KRTAP12-1: variants seen among roughly 807,000 people sequenced by gnomAD.
KRTAP12-1 encodes the protein keratin-associated protein 12-1.
For synonymous variants in KRTAP12-1, 56 were observed against 58.8 expected (o/e 0.95, Z 0.22); for missense variants, 109 against 127.2 (o/e 0.86, Z 0.69).
rs782058906 is a variant in KRTAP12-1, at chr21:44,681,834, C to T, written c.290G>A (p.Ter97=). Residue 97 remains the stop codon, a stop_retained_variant, in exon 1 of 1, where the codon TGA becomes TAA. Coordinates refer to ENST00000391617, the MANE Select transcript of KRTAP12-1 (RefSeq NM_181686.2). ...PISCSTPSCC[*] ...AGCAGCGGGTCTGGAGATTCATGCT[C>T]AGCAGCAGGAAGGGGTGCTGCAGGA... 2 of 1,607,752 alleles carry T rather than the reference C, an allele frequency of 1.2e-6. No individual in the cohort carries two copies.
In KRTAP12-1 at chr21:44,681,697, C is replaced by T. The variant is rs577065850; in HGVS notation, c.*136G>A. The T allele has an allele frequency of 2.3e-5, 27 of 1,196,130 alleles. No homozygotes were observed. In the South Asian group the frequency reaches 3.2e-4, roughly 14 times the overall value. The allele number at this position is 1,196,130 out of a possible 1,614,324, so 74.1% of individuals were successfully genotyped here. On this transcript the variant is annotated 3_prime_UTR_variant, in exon 1 of 1. Coordinates refer to ENST00000391617, the MANE Select transcript of KRTAP12-1 (RefSeq NM_181686.2). ...GCTCCAGATCATTCTATTATATTCTCGATCCAGAATTCAGAGGGTTCACTG... is the reference window on the plus strand; with the variant it reads ...GCTCCAGATCATTCTATTATATTCTTGATCCAGAATTCAGAGGGTTCACTG...
Position 44,681,810 on chromosome 21 carries a change from G to T in KRTAP12-1, c.*23C>A. On this transcript the variant is annotated 3_prime_UTR_variant, in exon 1 of 1. Transcript: ENST00000391617. Reference sequence around the variant, plus strand: ...AGGTGTGGCCTCATCTGCACTGGGAGCAGCGGGTCTGGAGATTCATGCTCA... The same window carrying T: ...AGGTGTGGCCTCATCTGCACTGGGATCAGCGGGTCTGGAGATTCATGCTCA... 6.3e-7 allele frequency: 1 copy of T among 1,590,290 alleles called. No individual in the cohort carries two copies. Among genetic ancestry groups the T allele is most frequent in the Non-Finnish European group, 8.6e-7 (1 of 1,166,672 alleles).
chr21:44,681,586 A>G lies in KRTAP12-1; in HGVS notation c.*247T>C. 1 of 488,966 alleles carries G rather than the reference A, an allele frequency of 2.0e-6. No individual in the cohort carries two copies. The highest frequency in any genetic ancestry group is 3.6e-6 in the Non-Finnish European group (1 of 279,354). The allele number at this position is 488,966 out of a possible 1,614,324, so 30.3% of individuals were successfully genotyped here. ...ACAAGAAACGCAGAGTTGCATGGGG[A>G]AAGCTGGTTTATTTGACTCTCATGG... On this transcript the variant is annotated 3_prime_UTR_variant, in exon 1 of 1. Transcript: ENST00000391617.
chr21:44,681,688 T>C lies in KRTAP12-1; in HGVS notation c.*145A>G. On this transcript the variant is annotated 3_prime_UTR_variant, in exon 1 of 1. Transcript: ENST00000391617. ...TCAGCCAGGGCTCCAGATCATTCTA[T>C]TATATTCTCGATCCAGAATTCAGAG... 8.8e-7 allele frequency: 1 copy of C among 1,136,052 alleles called. No individual in the cohort carries two copies. The highest frequency in any genetic ancestry group is 1.2e-6 in the Non-Finnish European group (1 of 807,166). The allele number at this position is 1,136,052 out of a possible 1,614,324, so 70.4% of individuals were successfully genotyped here. A position where few individuals can be genotyped will look rare whatever the true frequency, so the allele number is the denominator to read the frequency against.
chr21:44,681,815 G>C lies in KRTAP12-1; in HGVS notation c.*18C>G. ...TGGCCTCATCTGCACTGGGAGCAGCGGGTCTGGAGATTCATGCTCAGCAGC... is the reference window on the plus strand; with the variant it reads ...TGGCCTCATCTGCACTGGGAGCAGCCGGTCTGGAGATTCATGCTCAGCAGC... On this transcript the variant is annotated 3_prime_UTR_variant, in exon 1 of 1. Transcript: ENST00000391617. 1 of 1,595,502 alleles carries C rather than the reference G, an allele frequency of 6.3e-7. No homozygotes were observed. Among genetic ancestry groups the C allele is most frequent in the Non-Finnish European group, 8.6e-7 (1 of 1,169,132 alleles).
chr21:44,681,769 C>T lies in KRTAP12-1; in HGVS notation c.*64G>A. The T allele has an allele frequency of 6.5e-7, 1 of 1,547,340 alleles. No homozygotes were observed. The highest frequency in any genetic ancestry group is 8.8e-7 in the Non-Finnish European group (1 of 1,141,430). On this transcript the variant is annotated 3_prime_UTR_variant, in exon 1 of 1. Coordinates refer to ENST00000391617, the MANE Select transcript of KRTAP12-1 (RefSeq NM_181686.2). ...ATGTGCAGAAGACCAACTGAGGACT[C>T]ATCCAGGGAGTGTACAGGTGTGGCC... is the stretch of plus-strand genomic sequence containing the variant.
Position 44,681,775 on chromosome 21 carries a change from G to A in KRTAP12-1, c.*58C>T. ...AGAAGACCAACTGAGGACTCATCCA[G>A]GGAGTGTACAGGTGTGGCCTCATCT... On this transcript the variant is annotated 3_prime_UTR_variant, in exon 1 of 1. Coordinates refer to ENST00000391617, the MANE Select transcript of KRTAP12-1 (RefSeq NM_181686.2). 1 of 1,554,990 alleles carries A rather than the reference G, an allele frequency of 6.4e-7. No individual in the cohort carries two copies. Among genetic ancestry groups the A allele is most frequent in the East Asian group, 2.3e-5 (1 of 44,302 alleles).
At position 44,682,124 on chromosome 21, in the gene KRTAP12-1, G is replaced by A. The variant is rs1471301132; in HGVS notation, c.-1C>T. The A allele has an allele frequency of 5.6e-6, 9 of 1,613,288 alleles. No homozygotes were observed. The highest frequency in any genetic ancestry group is 5.9e-6 in the Non-Finnish European group (7 of 1,179,548). On this transcript the variant is annotated 5_prime_UTR_variant, in exon 1 of 1. Coordinates refer to ENST00000391617, the MANE Select transcript of KRTAP12-1 (RefSeq NM_181686.2). Reference sequence around the variant, plus strand: ...CCGAGGAGCAGCTGGTGTGGCACATGGTGGCGTGTGGCTGGATAAGGTCGA... The same window carrying A: ...CCGAGGAGCAGCTGGTGTGGCACATAGTGGCGTGTGGCTGGATAAGGTCGA...
chr21:44,681,872 G>A lies in KRTAP12-1; in HGVS notation c.252C>T (p.Leu84=). Residue 84 remains leucine (L), a synonymous_variant, in exon 1 of 1, where the codon CTC becomes CTT. Coordinates refer to ENST00000391617, the MANE Select transcript of KRTAP12-1 (RefSeq NM_181686.2). ...GCCQPSCTSV[L]CRPISCSTPS... is the part of the protein sequence containing the mutation. ...GGGTGCTGCAGGAGATGGGTCTGCA[G>A]AGGACGCTGGTGCAGGAAGGCTGGC... 2.5e-6 allele frequency: 4 copies of A among 1,614,060 alleles called. No individual in the cohort carries two copies. Among genetic ancestry groups the A allele is most frequent in the Non-Finnish European group, 3.4e-6 (4 of 1,179,940 alleles).
chr21:44,681,914 G>T, the KRTAP12-1 span: 7 of 1,614,016 alleles, frequency 4.3e-6, no homozygotes, highest in South Asian at 1.1e-5. Context: ...CAGAGGACTG[G>T]CAGGAGGGAG....
Position 44,681,814 on chromosome 21 carries a change from C to A in KRTAP12-1, c.*19G>T, listed in dbSNP as rs560144407. On this transcript the variant is annotated 3_prime_UTR_variant, in exon 1 of 1. Coordinates refer to ENST00000391617, the MANE Select transcript of KRTAP12-1 (RefSeq NM_181686.2). ...GTGGCCTCATCTGCACTGGGAGCAGCGGGTCTGGAGATTCATGCTCAGCAG... is the reference window on the plus strand; with the variant it reads ...GTGGCCTCATCTGCACTGGGAGCAGAGGGTCTGGAGATTCATGCTCAGCAG... 1.3e-6 allele frequency: 2 copies of A among 1,593,510 alleles called. No homozygotes were observed. Among genetic ancestry groups the A allele is most frequent in the Non-Finnish European group, 1.7e-6 (2 of 1,168,190 alleles).
chr21:44,681,660 A>G lies in KRTAP12-1; in HGVS notation c.*173T>C, dbSNP rs1480738721. The G allele has an allele frequency of 5.7e-6, 5 of 878,668 alleles. No individual in the cohort carries two copies. The Admixed American group carries it at 1.2e-4, about 21-fold the overall frequency. 54.4% of individuals were successfully genotyped at this position (878,668 alleles called of 1,614,324 possible). ...CCAGACTTCCCTGGGGGGATAGGCA[A>G]GTTCAGCCAGGGCTCCAGATCATTC... On this transcript the variant is annotated 3_prime_UTR_variant, in exon 1 of 1. Coordinates refer to ENST00000391617, the MANE Select transcript of KRTAP12-1 (RefSeq NM_181686.2).
rs782462706 is a variant in KRTAP12-1 at position 44,681,602 on chromosome 21, A to G, written c.*231T>C. ...TGCATGGGGAAAGCTGGTTTATTTG[A>G]CTCTCATGGGGTCAGAGAATGACTC... On this transcript the variant is annotated 3_prime_UTR_variant, in exon 1 of 1. Coordinates refer to ENST00000391617, the MANE Select transcript of KRTAP12-1 (RefSeq NM_181686.2). 5 of 507,194 alleles carry G rather than the reference A, an allele frequency of 9.9e-6. No homozygotes were observed. The highest frequency in any genetic ancestry group is 3.0e-5 in the East Asian group (1 of 33,408). 31.4% of individuals were successfully genotyped at this position (507,194 alleles called of 1,614,324 possible).
chr21:44,682,032 T>G lies in KRTAP12-1; in HGVS notation c.92A>C (p.Gln31Pro), dbSNP rs1986624381. 6.2e-7 allele frequency: 1 copy of G among 1,614,036 alleles called. No homozygotes were observed. Among genetic ancestry groups the G allele is most frequent in the Non-Finnish European group, 8.5e-7 (1 of 1,179,928 alleles). Residue 31 changes from glutamine (Q) to proline (P), a missense_variant, in exon 1 of 1, where the codon CAG (glutamine) becomes CCG (proline). By Grantham distance (76) the Gln-to-Pro change is moderately conservative. Coordinates refer to ENST00000391617, the MANE Select transcript of KRTAP12-1 (RefSeq NM_181686.2). ...QASCYIPVGC[Q>P]SSVCVPVSFK... ...GCTCACGGGCACGCACACGGAGGAC[T>G]GGCAGCCCACGGGGATGTAACAGGA...
chr21:44,681,956 C>T lies in KRTAP12-1; in HGVS notation c.168G>A (p.Val56=). The change falls in exon 1 of 1, where the codon GTG becomes GTA. Residue 56 remains valine, a synonymous_variant. Transcript: ENST00000391617. ...ACACGACGGGCCTGCAGCTCACGGGCACGCACACAGAGGACTGGCATCTCA... is the reference window on the plus strand; with the variant it reads ...ACACGACGGGCCTGCAGCTCACGGGTACGCACACAGAGGACTGGCATCTCA... ...VPVRCQSSVC[V]PVSCRPVVYA... is the part of the protein sequence containing the mutation. 6.2e-7 allele frequency: 1 copy of T among 1,613,860 alleles called. No individual in the cohort carries two copies. Among genetic ancestry groups the T allele is most frequent in the Non-Finnish European group, 8.5e-7 (1 of 1,179,818 alleles).
chr21:44,681,945 C>A lies in KRTAP12-1; in HGVS notation c.179G>T (p.Cys60Phe), dbSNP rs200071585. ...GGGAGCCGCATACACGACGGGCCTG[C>A]AGCTCACGGGCACGCACACAGAGGA... ...CQSSVCVPVSCRPVVYAAPSC... is the reference protein window; with the variant it reads ...CQSSVCVPVSFRPVVYAAPSC... The change falls in exon 1 of 1, where the codon TGC (cysteine) becomes TTC (phenylalanine). Residue 60 changes from cysteine (C) to phenylalanine (F), a missense_variant. By Grantham distance (205) the Cys-to-Phe change is radical. Coordinates refer to ENST00000391617, the MANE Select transcript of KRTAP12-1 (RefSeq NM_181686.2). 9.0e-5 allele frequency: 145 copies of A among 1,614,150 alleles called. 1 individual carries two copies. The highest frequency in any genetic ancestry group is 1.2e-5 in the Non-Finnish European group (14 of 1,179,998).
Position 44,682,070 on chromosome 21 carries a change from G to A in KRTAP12-1, c.54C>T (p.Ser18=). ...SGCQPACCAP[S]PCQASCYIPV... ...GGATGTAACAGGATGCCTGGCAGGGGCTGGGCGCGCAGCAGGCTGGCTGGC... is the reference window on the plus strand; with the variant it reads ...GGATGTAACAGGATGCCTGGCAGGGACTGGGCGCGCAGCAGGCTGGCTGGC... The change falls in exon 1 of 1, where the codon AGC becomes AGT. Residue 18 remains serine (S), a synonymous_variant. Coordinates refer to ENST00000391617, the MANE Select transcript of KRTAP12-1 (RefSeq NM_181686.2). 2 of 1,614,040 alleles carry A rather than the reference G, an allele frequency of 1.2e-6. No individual in the cohort carries two copies. The highest frequency in any genetic ancestry group is 1.7e-6 in the Non-Finnish European group (2 of 1,179,938).
rs1300179750 is a variant in KRTAP12-1 at position 44,681,650 on chromosome 21, G to T, written c.*183C>A. On this transcript the variant is annotated 3_prime_UTR_variant, in exon 1 of 1. Coordinates refer to ENST00000391617, the MANE Select transcript of KRTAP12-1 (RefSeq NM_181686.2). ...CTCTGGGACCCCAGACTTCCCTGGG[G>T]GGATAGGCAAGTTCAGCCAGGGCTC... is the stretch of plus-strand genomic sequence containing the variant. 1 of 776,686 alleles carries T rather than the reference G, an allele frequency of 1.3e-6. No homozygotes were observed. The highest frequency in any genetic ancestry group is 1.7e-5 in the African/African-American group (1 of 57,488). 48.1% of individuals were successfully genotyped at this position (776,686 alleles called of 1,614,324 possible).
chr21:44,682,099 C>A lies in KRTAP12-1; in HGVS notation c.25G>T (p.Gly9Cys). The A allele has an allele frequency of 1.2e-6, 2 of 1,613,812 alleles. No homozygotes were observed. The highest frequency in any genetic ancestry group is 1.7e-6 in the Non-Finnish European group (2 of 1,179,838). ...GGCGCGCAGCAGGCTGGCTGGCAGC[C>A]CGAGGAGCAGCTGGTGTGGCACATG... The part of the protein sequence containing the change: MCHTSCSS[G>C]CQPACCAPSP... Residue 9 changes from glycine (G) to cysteine (C), a missense_variant, in exon 1 of 1, where the codon GGC (glycine) becomes TGC (cysteine). Gly to Cys is a radical substitution (Grantham distance 159). Coordinates refer to ENST00000391617, the MANE Select transcript of KRTAP12-1 (RefSeq NM_181686.2).
Sources: gnomAD v4.1 joint callset for allele counts on GRCh38, gnomAD v4.1.1 for gene constraint, MANE v1.5 for transcripts, NCBI Gene and HGNC (gene_info 2026-07-23, HGNC 2026-07-21) for gene names.